The following SBF2 variants were observed in gnomAD, a reference collection of about 807,000 sequenced individuals.
SBF2 encodes the protein myotubularin-related protein 13.
A neutral mutation model predicts 225.2 loss-of-function variants in SBF2; 112 were observed. The ratio of observed to expected loss-of-function variants is 0.50; its 90% CI spans 0.43 to 0.58. The LOEUF is 0.58. SBF2 is among the 20% of genes least tolerant of loss of function. SBF2 has a pLI of 0.00. For synonymous variants in SBF2, 763 were observed against 773.3 expected (o/e 0.99, Z 0.22); for missense variants, 1,996 against 2,206.2 (o/e 0.90, Z 1.91).
At chr11:10,116,853 A>C (rs1198215788) in intron 2 of SBF2, among the ~76,000 whole-genome samples, 1 of 152,182 alleles carries the variant, frequency 6.6e-6, no homozygotes, top group Non-Finnish European at 1.5e-5. Flanking sequence ...TCCTATTTAT[A>C]GCTAGAGACA....
At chr11:9,788,089 A>C (rs904356015) in intron 35 of SBF2, 2 of 333,564 alleles carry the variant, frequency 6.0e-6, no homozygotes, top group Non-Finnish European at 1.1e-5. Flanking sequence ...CCCGTGGCCC[A>C]GCCCTAATAG....
At chr11:10,234,424 C>A (rs539738550) in intron 1 of SBF2, among the ~76,000 whole-genome samples, 2 of 152,104 alleles carry the variant, frequency 1.3e-5, no homozygotes, top group Admixed American at 1.3e-4. Context: ...TTTGTGATAA[C>A]AATTTTAATT....
At chr11:9,790,003 G>A (rs1297532350) in intron 34 of SBF2, among the ~76,000 whole-genome samples, 1 of 152,222 alleles carries the variant, frequency 6.6e-6, no homozygotes, top group South Asian at 2.1e-4. Context: ...TCTATGATTG[G>A]GGCCCAGGGG....
intron 33 of SBF2, among the ~76,000 whole-genome samples, chr11:9,794,079 A>AGGCTG (rs1852930932): frequency 6.6e-6 from 1 of 152,174 alleles, no homozygotes; most frequent in Non-Finnish European, 1.5e-5. Flanking sequence ...GCTACTCAGG[A>AGGCTG]GGCTGAGGTG....
intron 16 of SBF2, among the ~76,000 whole-genome samples, chr11:9,933,344 A>AACAG (rs1273878806): frequency 6.6e-6 from 1 of 152,194 alleles, no homozygotes; most frequent in Admixed American, 6.5e-5. Flanking sequence ...ACCCCAAATC[A>AACAG]ACAGAATATA....
chr11:10,015,583 G>A (rs1948618388), intron 6 of SBF2, among the ~76,000 whole-genome samples: 1 of 152,118 alleles, frequency 6.6e-6, no homozygotes, highest in South Asian at 2.1e-4. Flanking sequence ...CACCTGGGGT[G>A]GGAGCTTCCT....
At chr11:9,877,491 C>T (rs1170335555) in intron 17 of SBF2, among the ~76,000 whole-genome samples, 3 of 152,158 alleles carry the variant, frequency 2.0e-5, no homozygotes, top group Non-Finnish European at 2.9e-5. Context: ...TGGTTTGCTG[C>T]ACCCATCAAC....
At chr11:10,063,972 A>C (rs1415292460) in intron 2 of SBF2, among the ~76,000 whole-genome samples, 1 of 152,128 alleles carries the variant, frequency 6.6e-6, no homozygotes. Context: ...GAGCAAAAAT[A>C]TTTTAAGAAA....
rs370629466 is a variant in SBF2 at position 9,985,626 on chromosome 11, T to C, written c.1395+3871A>G. Among the ~76,000 whole-genome samples, 7 of 152,252 alleles carry C rather than the reference T, an allele frequency of 4.6e-5. 1 individual carries two copies. In the East Asian group the frequency reaches 7.7e-4, roughly 17 times the overall value. ...GTGTGCGACACCACGCCTGGCTGGG[T>C]AGCTATTCTTATATCAGGCAAAACA... On this transcript the variant is annotated intron_variant, in intron 13 of 39. Coordinates refer to ENST00000256190, the MANE Select transcript of SBF2 (RefSeq NM_030962.4).
chr11:9,893,846 G>A (rs940520776), intron 17 of SBF2, among the ~76,000 whole-genome samples: 1 of 152,212 alleles, frequency 6.6e-6, no homozygotes, highest in Admixed American at 6.5e-5. Flanking sequence ...TAGTATGCCT[G>A]AGCCCTAGAG....
intron 16 of SBF2, chr11:9,959,779 A>T (rs891235567): frequency 7.9e-6 from 5 of 633,438 alleles, no homozygotes; most frequent in Admixed American, 7.3e-5. Context: ...GCTTGCTGAG[A>T]TGGTCATGGT....
chr11:9,831,059 T>A lies in SBF2; in HGVS notation c.3652+1165A>T, dbSNP rs1034063000. On this transcript the variant is annotated intron_variant, in intron 27 of 39. Transcript: ENST00000256190. The stretch of plus-strand genomic sequence containing the variant: ...TTTCACTCAGGGTGGAGTGCAGTGG[T>A]GCAATCGTGGCTCACTATAGCCTTT... 7.9e-5 allele frequency among the ~76,000 whole-genome samples: 12 copies of A among 152,278 alleles called. No individual in the cohort carries two copies. The Middle Eastern group carries it at 0.014, about 173-fold the overall frequency.
At chr11:9,869,064 G>A (rs971949580) in intron 17 of SBF2, among the ~76,000 whole-genome samples, 1 of 152,162 alleles carries the variant, frequency 6.6e-6, no homozygotes, top group African/African-American at 2.4e-5. Flanking sequence ...TCAACTGTTG[G>A]TGAACCACAG....
chr11:10,212,046 AC>A (rs1957961420), intron 1 of SBF2, among the ~76,000 whole-genome samples: 1 of 152,198 alleles, frequency 6.6e-6, no homozygotes, highest in Non-Finnish European at 1.5e-5. Flanking sequence ...TTAATATGGC[AC>A]TAATCTCTGA....
At chr11:10,061,157 T>C (rs1173228737) in intron 2 of SBF2, among the ~76,000 whole-genome samples, 1 of 152,170 alleles carries the variant, frequency 6.6e-6, no homozygotes, top group Non-Finnish European at 1.5e-5. Flanking sequence ...AAATATCCCT[T>C]CACGTTAAGA....
chr11:10,121,536 G>A (rs955667677), intron 2 of SBF2, among the ~76,000 whole-genome samples: 9 of 152,320 alleles, frequency 5.9e-5, no homozygotes, highest in Admixed American at 5.9e-4. Flanking sequence ...TAGCTACAAG[G>A]CAGAGGTATG....
chr11:10,191,621 C>A (rs1957174997), intron 2 of SBF2, among the ~76,000 whole-genome samples: 2 of 152,244 alleles, frequency 1.3e-5, no homozygotes, highest in South Asian at 4.1e-4. Flanking sequence ...TAAGAATATG[C>A]CAAGAAGTCA....
chr11:9,787,753 A>AG lies in SBF2; in HGVS notation c.4933-16_4933-15insC. The AG allele has an allele frequency of 6.2e-7, 1 of 1,608,734 alleles. No homozygotes were observed. The highest frequency in any genetic ancestry group is 1.7e-5 in the Admixed American group (1 of 60,006). On this transcript the variant is annotated splice_polypyrimidine_tract_variant and intron_variant, in intron 35 of 39. Transcript: ENST00000256190. Reference sequence around the variant, plus strand: ...TTTTCAATTTCCTGCAAAGAAATTAAAAGTTTTCTGATCAGTATTTCATAG... The same window carrying AG: ...TTTTCAATTTCCTGCAAAGAAATTAAGAAGTTTTCTGATCAGTATTTCATAG...
intron 1 of SBF2, among the ~76,000 whole-genome samples, chr11:10,201,007 C>A (rs897040740): frequency 3.3e-5 from 5 of 152,176 alleles, no homozygotes; most frequent in African/African-American, 1.2e-4. Flanking sequence ...ACCAGTGCTT[C>A]TATTCCATTC....
Sources: allele counts gnomAD v4.1 joint callset (sites outside exome capture counted in the v4.1 genomes callset), GRCh38; gene constraint gnomAD v4.1.1; transcripts MANE v1.5; gene names NCBI Gene and HGNC (gene_info 2026-07-23, HGNC 2026-07-21).